The following GLMN variants were observed in gnomAD, a reference collection of about 807,000 sequenced individuals.
GLMN encodes the protein glomulin.
A neutral mutation model predicts 87.8 loss-of-function variants in GLMN; 75 were observed. The observed-to-expected ratio is 0.85, with a 90% CI of 0.71 to 1.04. The LOEUF (loss-of-function observed/expected upper bound fraction) is 1.04, where lower values mean the gene tolerates loss of function less well. Ranked by LOEUF, GLMN falls within the 50% of genes least tolerant of loss-of-function variation. The pLI is 0.00. For missense variants in GLMN, 588 were observed against 658.8 expected, an observed-to-expected ratio of 0.89 and a Z score of 1.18; for synonymous variants, 206 against 221.6, an observed-to-expected ratio of 0.93 and a Z score of 0.63.
At chr1:92,268,552 T>C (rs1655900612) in intron 9 of GLMN, among the ~76,000 whole-genome samples, 1 of 152,232 alleles carries the variant, frequency 6.6e-6, no homozygotes, top group South Asian at 2.1e-4. Flanking sequence ...TTCAAAACAA[T>C]ACATATTATC....
the GLMN span, among the ~76,000 whole-genome samples, chr1:92,364,244 A>G: frequency 1.3e-5 from 2 of 152,190 alleles, no homozygotes; most frequent in African/African-American, 4.8e-5. Flanking sequence ...GCCATCTATT[A>G]TAGGTATGGA....
chr1:92,302,819 C>T (rs1199901426), upstream of GLMN, among the ~76,000 whole-genome samples: 1 of 151,686 alleles, frequency 6.6e-6, no homozygotes, highest in Non-Finnish European at 1.5e-5. Context: ...CCAGGATGGT[C>T]TCGATTTCCT....
chr1:92,333,165 A>G, the GLMN span: 3 of 473,910 alleles, frequency 6.3e-6, no homozygotes, highest in African/African-American at 3.9e-5. Flanking sequence ...TCCCAATTAT[A>G]AAGATGAGAA....
Position 92,267,981 on chromosome 1 carries a change from A to G in GLMN, c.1030T>C (p.Leu344=), listed in dbSNP as rs776986944. Residue 344 remains leucine, a synonymous_variant, in exon 11 of 19, where the codon TTG becomes CTG. Coordinates refer to ENST00000370360, the MANE Select transcript of GLMN (RefSeq NM_053274.3). ...KGLELLENSL[L]RIEDNSLLYQ... ...AGTAGACTATTGTCTTCTATTCTCA[A>G]TAAACTATTCTCCAGCAGCTCCTAC... 6 of 1,569,608 alleles carry G rather than the reference A, an allele frequency of 3.8e-6. No individual in the cohort carries two copies. In the African/African-American group the frequency reaches 4.0e-5, roughly 11 times the overall value.
chr1:92,247,561 G>C (rs943082701), intron 17 of GLMN, among the ~76,000 whole-genome samples: 3 of 152,112 alleles, frequency 2.0e-5, no homozygotes, highest in Non-Finnish European at 4.4e-5. Flanking sequence ...AATTTGTATG[G>C]ATTTACTTGA....
chr1:92,341,536 C>T, the GLMN span, among the ~76,000 whole-genome samples: 4 of 152,118 alleles, frequency 2.6e-5, no homozygotes, highest in South Asian at 4.1e-4. Flanking sequence ...CTCTCCAGTG[C>T]GTGGAACAGT....
chr1:92,305,243 T>A, the GLMN span, among the ~76,000 whole-genome samples: 2 of 151,720 alleles, frequency 1.3e-5, no homozygotes, highest in African/African-American at 4.8e-5. Context: ...CCATCCTGGC[T>A]AACACAGTGA....
the GLMN span, chr1:92,336,376 T>G: frequency 4.3e-6 from 7 of 1,610,858 alleles, no homozygotes; most frequent in Non-Finnish European, 5.9e-6. Flanking sequence ...CCTCTTCAGA[T>G]TACATTGGGA....
the GLMN span, among the ~76,000 whole-genome samples, chr1:92,370,004 C>T: frequency 6.6e-6 from 1 of 152,200 alleles, no homozygotes; most frequent in Non-Finnish European, 1.5e-5. Flanking sequence ...TGTGCCTCAT[C>T]CTCCCAAGTA....
chr1:92,296,460 T>C (rs768376123), intron 3 of GLMN, among the ~76,000 whole-genome samples: 1 of 152,138 alleles, frequency 6.6e-6, no homozygotes, highest in Non-Finnish European at 1.5e-5. Flanking sequence ...AAATGCCAGA[T>C]GGTTATAAAA....
upstream of GLMN, chr1:92,300,346 T>C (rs1650736071): frequency 2.4e-6 from 2 of 835,096 alleles, no homozygotes; most frequent in South Asian, 1.6e-5. Context: ...GAGAAAATTA[T>C]CATGAGAGGG....
rs765865353 is a variant in GLMN at position 92,260,765 on chromosome 1, G to GAAAAAAA, written c.1473+2091_1473+2097dup. 2.0e-5 allele frequency among the ~76,000 whole-genome samples: 2 copies of GAAAAAAA among 100,078 alleles called. 1 individual carries two copies. The highest frequency in any genetic ancestry group is 3.8e-5 in the Non-Finnish European group (2 of 52,352). The allele number at this position is 100,078 out of a possible 152,430, so 65.7% of individuals were successfully genotyped here. On this transcript the variant is annotated intron_variant, in intron 16 of 18. Coordinates refer to ENST00000370360, the MANE Select transcript of GLMN (RefSeq NM_053274.3). ...AGTGAGACACTGTCTCTTTGAGATG[G>GAAAAAAA]AAAAAAAAAAAAAAAAAAAAAGGCA...
the GLMN span, among the ~76,000 whole-genome samples, chr1:92,370,510 C>T: frequency 6.6e-6 from 1 of 152,184 alleles, no homozygotes; most frequent in East Asian, 1.9e-4. Flanking sequence ...TAAAATCCTG[C>T]AAGAGACATT....
intron 9 of GLMN, among the ~76,000 whole-genome samples, chr1:92,268,915 C>CT (rs10706669): frequency 8.0e-4 from 97 of 120,498 alleles, no homozygotes; most frequent in Middle Eastern, 4.0e-3. Flanking sequence ...CTGTAATTTC[C>CT]TTTTTTTTTT....
the GLMN span, among the ~76,000 whole-genome samples, chr1:92,368,197 G>A: frequency 1.3e-5 from 2 of 152,070 alleles, no homozygotes; most frequent in South Asian, 2.1e-4. Context: ...TGGCCAACAC[G>A]CTGAAACCCC....
intron 17 of GLMN, 49 bp from the exon 18 acceptor site, chr1:92,247,193 T>A (rs781529909): frequency 1.4e-5 from 12 of 880,420 alleles, no homozygotes; most frequent in Non-Finnish European, 7.7e-6. Context: ...CAGATTTCAA[T>A]AACAAAGGTA....
At chr1:92,367,409 T>G in the GLMN span, among the ~76,000 whole-genome samples, 1 of 152,216 alleles carries the variant, frequency 6.6e-6, no homozygotes, top group Non-Finnish European at 1.5e-5. Context: ...TTTGTTTTAA[T>G]TGGTTAAAGT....
At chr1:92,280,202 G>GTAGGGGGCCGACAAACACCTC (rs1647849832) in intron 7 of GLMN, among the ~76,000 whole-genome samples, 1 of 152,156 alleles carries the variant, frequency 6.6e-6, no homozygotes, top group Non-Finnish European at 1.5e-5. Context: ...GGAAACACCT[G>GTAGGGGGCCGACAAACACCTC]CCAGTAGGGG....
At chr1:92,332,149 C>CT in the GLMN span, among the ~76,000 whole-genome samples, 1 of 151,458 alleles carries the variant, frequency 6.6e-6, no homozygotes, top group Non-Finnish European at 1.5e-5. Flanking sequence ...CTCTTAATCT[C>CT]CTTTGTGCTT....
Sources: gnomAD v4.1 joint callset for allele counts (sites outside exome capture counted in the v4.1 genomes callset) on GRCh38, gnomAD v4.1.1 for gene constraint, MANE v1.5 for transcripts, NCBI Gene and HGNC (gene_info 2026-07-23, HGNC 2026-07-21) for gene names.